The following STIL variants were observed in gnomAD, a reference collection of about 807,000 sequenced individuals.
STIL encodes the protein SCL-interrupting locus protein.
A neutral mutation model predicts 110.1 loss-of-function variants in STIL; 55 were observed. The observed-to-expected ratio is 0.50, with a 90% CI of 0.40 to 0.63. STIL has a LOEUF of 0.63. Ranked by LOEUF, STIL falls within the 20% of genes least tolerant of loss-of-function variation. STIL has a pLI of 0.00. For missense variants in STIL, 1,358 were observed against 1,530.0 expected (o/e 0.89, Z 1.87); for synonymous variants, 481 against 530.0 (o/e 0.91, Z 1.27).
chr1:47,300,165 T>C lies in STIL; in HGVS notation c.454-13A>G. On this transcript the variant is annotated splice_polypyrimidine_tract_variant and intron_variant, in intron 5 of 16. Coordinates refer to ENST00000371877, the MANE Select transcript of STIL (RefSeq NM_001048166.1). ...GGCACTGTAGAGCCTGAGAAATCAA[T>C]ATTAAATAATTATTTTAAAACTTTG... 6.2e-7 allele frequency: 1 copy of C among 1,609,804 alleles called. No homozygotes were observed. The highest frequency in any genetic ancestry group is 8.5e-7 in the Non-Finnish European group (1 of 1,178,124).
At chr1:47,303,416 T>G (rs1385741372) in intron 3 of STIL, among the ~76,000 whole-genome samples, 1 of 150,672 alleles carries the variant, frequency 6.6e-6, no homozygotes, top group Non-Finnish European at 1.5e-5. Context: ...TACAAAAAAA[T>G]TAGCCAGGCG....
intron 15 of STIL, 27 bp from the exon 16 acceptor site, chr1:47,260,566 G>T: frequency 6.2e-7 from 1 of 1,610,350 alleles, no homozygotes; most frequent in South Asian, 1.1e-5. Flanking sequence ...AAATTTTTTT[G>T]AAAAATCACT....
intron 2 of STIL, among the ~76,000 whole-genome samples, chr1:47,308,742 GTA>G (rs1646039077): frequency 1.3e-5 from 2 of 151,850 alleles, no homozygotes; most frequent in African/African-American, 4.8e-5. Flanking sequence ...CAACTTAAAA[GTA>G]ATAAATAATA....
At chr1:47,259,240 C>T (rs1231893136) in intron 16 of STIL, among the ~76,000 whole-genome samples, 2 of 147,434 alleles carry the variant, frequency 1.4e-5, no homozygotes, top group Admixed American at 1.4e-4. Context: ...CCCACCTCGG[C>T]TTCCCAAAGT....
At chr1:47,308,425 T>TG (rs1646029455) in intron 2 of STIL, among the ~76,000 whole-genome samples, 1 of 14,106 alleles carries the variant, frequency 7.1e-5, no homozygotes, top group African/African-American at 2.5e-4. Context: ...AAAAAGAAAA[T>TG]GGAAAAAAAA....
intron 16 of STIL, among the ~76,000 whole-genome samples, chr1:47,256,164 C>A (rs1644320883): frequency 6.6e-6 from 1 of 152,070 alleles, no homozygotes; most frequent in African/African-American, 2.4e-5. Context: ...AAAAAGTTAA[C>A]AATATAAGAT....
At chr1:47,289,059 C>T (rs1460463232) in intron 9 of STIL, among the ~76,000 whole-genome samples, 1 of 37,712 alleles carries the variant, frequency 2.7e-5, no homozygotes, top group Non-Finnish European at 7.0e-5. Flanking sequence ...GAGATTCCAT[C>T]TCAAAAAAAA....
chr1:47,257,195 T>C (rs936588225), intron 16 of STIL, among the ~76,000 whole-genome samples: 5 of 152,146 alleles, frequency 3.3e-5, no homozygotes, highest in Non-Finnish European at 7.3e-5. Flanking sequence ...AAAAACTAAG[T>C]TTAAGTCAAA....
intron 16 of STIL, among the ~76,000 whole-genome samples, chr1:47,257,837 T>C (rs1283874246): frequency 6.6e-6 from 1 of 152,262 alleles, no homozygotes; most frequent in Non-Finnish European, 1.5e-5. Flanking sequence ...TCTTTCTTTA[T>C]CAGGTTATCT....
intron 15 of STIL, among the ~76,000 whole-genome samples, chr1:47,262,005 G>A (rs1570042236): frequency 2.0e-5 from 3 of 151,964 alleles, no homozygotes; most frequent in African/African-American, 4.8e-5. Flanking sequence ...GCTTTCGTTT[G>A]CAAAGTGATA....
Position 47,282,620 on chromosome 1 carries a change from T to C in STIL, c.1134-161A>G, listed in dbSNP as rs766019166. The C allele has an allele frequency of 4.7e-5, 28 of 601,574 alleles. No individual in the cohort carries two copies. The Middle Eastern group carries it at 1.8e-3, about 38-fold the overall frequency. 37.3% of individuals were successfully genotyped at this position (601,574 alleles called of 1,614,324 possible). A position where few individuals can be genotyped will look rare whatever the true frequency, so the allele number is the denominator to read the frequency against. ...ATTTTATTTTTCAGGCCAGTGTTAG[T>C]TGACCAGGGAAGCTGGACCAGCCAG... is the stretch of plus-strand genomic sequence containing the variant. On this transcript the variant is annotated intron_variant, in intron 10 of 16. Transcript: ENST00000371877.
chr1:47,264,930 T>TAAAAAAAAAAAAAAAAAAAAAAA (rs35230201), intron 14 of STIL, among the ~76,000 whole-genome samples: 1 of 128,854 alleles, frequency 7.8e-6, no homozygotes, highest in Non-Finnish European at 1.6e-5. Flanking sequence ...TTTCTAAAGT[T>TAAAAAAAAAAAAAAAAAAAAAAA]AAAAAAAAAA....
At position 47,263,117 on chromosome 1, in the gene STIL, C is replaced by A. The variant is rs768088157; in HGVS notation, c.2616-1G>T. ...TTTTCTCACAACTAGAGAAGAGCTG[C>A]TGGGAAGGATATATAATGTGTTAGT... On this transcript the variant is annotated splice_acceptor_variant, in intron 14 of 16. Transcript: ENST00000371877. LOFTEE classifies it high-confidence loss of function. 2 of 1,613,404 alleles carry A rather than the reference C, an allele frequency of 1.2e-6. No homozygotes were observed. Among genetic ancestry groups the A allele is most frequent in the East Asian group, 2.2e-5 (1 of 44,876 alleles).
At position 47,263,079 on chromosome 1, in the gene STIL, G is replaced by A. The variant is rs980098450; in HGVS notation, c.2653C>T (p.Pro885Ser). The A allele has an allele frequency of 2.5e-6, 4 of 1,614,160 alleles. No homozygotes were observed. Among genetic ancestry groups the A allele is most frequent in the Non-Finnish European group, 3.4e-6 (4 of 1,180,028 alleles). ...AGCTGGCCACTTGGAAAGAACACAG[G>A]TACATCAGGTTCTTTTCTCACAACT... ...SLVVRKEPDV[P>S]VFFPSGQLAE... Residue 885 changes from proline to serine, a missense_variant, in exon 15 of 17, where the codon CCT becomes TCT. Physicochemically the swap from Pro to Ser is moderately conservative, Grantham distance 74. Transcript: ENST00000371877.
intron 7 of STIL, among the ~76,000 whole-genome samples, chr1:47,294,260 T>A (rs1331751917): frequency 1.3e-5 from 2 of 152,218 alleles, no homozygotes; most frequent in Non-Finnish European, 2.9e-5. Flanking sequence ...TCACTTTCCA[T>A]ACTGGTCACT....
intron 2 of STIL, among the ~76,000 whole-genome samples, chr1:47,309,584 C>T (rs1237471432): frequency 1.3e-5 from 2 of 152,034 alleles, no homozygotes; most frequent in Non-Finnish European, 2.9e-5. Context: ...TAAAGGCGAC[C>T]CATGAATGCA....
intron 4 of STIL, 29 bp from the exon 5 acceptor site, chr1:47,301,777 C>T (rs777518596): frequency 5.6e-6 from 9 of 1,602,102 alleles, no homozygotes; most frequent in Non-Finnish European, 7.7e-6. Flanking sequence ...AGCTATTATA[C>T]AGCATACTAA....
At chr1:47,269,559 T>C in intron 14 of STIL, 76 bp downstream of exon 14, 2 of 1,044,512 alleles carry the variant, frequency 1.9e-6, no homozygotes, top group Non-Finnish European at 2.9e-6. Flanking sequence ...CCCACAAATA[T>C]ATACAATTAT....
At chr1:47,300,660 G>A (rs1645779342) in intron 5 of STIL, among the ~76,000 whole-genome samples, 1 of 152,036 alleles carries the variant, frequency 6.6e-6, no homozygotes. Context: ...GTAGAGACAA[G>A]GTTTCACCAT....
Sources: allele counts gnomAD v4.1 joint callset (sites outside exome capture counted in the v4.1 genomes callset), GRCh38; gene constraint gnomAD v4.1.1; transcripts MANE v1.5; gene names NCBI Gene and HGNC (gene_info 2026-07-23, HGNC 2026-07-21).